MPHOSPH9: variants seen among roughly 807,000 people sequenced by gnomAD.
MPHOSPH9 encodes the protein M-phase phosphoprotein 9.
In MPHOSPH9, 88 loss-of-function variants were observed where a neutral mutation model predicts 145.5. The ratio of observed to expected loss-of-function variants is 0.60; its 90% confidence interval spans 0.51 to 0.72. The LOEUF is 0.72. MPHOSPH9 is among the 30% of genes least tolerant of loss of function. MPHOSPH9 has a pLI of 0.00. For synonymous variants in MPHOSPH9, 435 were observed against 486.2 expected, an observed-to-expected ratio of 0.89 and a Z score of 1.39; for missense variants, 1,238 against 1,386.6, an observed-to-expected ratio of 0.89 and a Z score of 1.70.
intron 4 of MPHOSPH9, 34 bp downstream of exon 4, chr12:123,223,004 A>G: frequency 8.5e-7 from 1 of 1,177,484 alleles, no homozygotes; most frequent in African/African-American, 1.6e-5. Context: ...GTATATGTAT[A>G]TAAAAAAAGG....
Position 123,166,761 on chromosome 12 carries a change from G to A in MPHOSPH9, c.2485C>T (p.Arg829Trp), listed in dbSNP as rs575130429. The A allele has an allele frequency of 1.9e-6, 3 of 1,613,676 alleles. No homozygotes were observed. Among genetic ancestry groups the A allele is most frequent in the East Asian group, 2.2e-5 (1 of 44,876 alleles). The change falls in exon 17 of 24, where the codon CGG (arginine) becomes TGG (tryptophan). Residue 829 changes from arginine to tryptophan, a missense_variant. Physicochemically the swap from Arg to Trp is moderately radical, Grantham distance 101. Transcript: ENST00000606320. ...NTLATSDVSR[R>W]KWLIPGAEYS... Reference sequence around the variant, plus strand: ...TCTGCACCTGGAATCAGCCATTTCCGCCTGCTGACGTCTGAAGTTGCTAGT... The same window carrying A: ...TCTGCACCTGGAATCAGCCATTTCCACCTGCTGACGTCTGAAGTTGCTAGT...
intron 15 of MPHOSPH9, among the ~76,000 whole-genome samples, chr12:123,178,942 A>G (rs1169998996): frequency 6.6e-6 from 1 of 152,202 alleles, no homozygotes; most frequent in African/African-American, 2.4e-5. Context: ...AAAGTAGATG[A>G]CCATAATTTT....
intron 17 of MPHOSPH9, 60 bp from the exon 18 acceptor site, chr12:123,165,537 C>T (rs1593069956): frequency 7.0e-6 from 10 of 1,422,568 alleles, no homozygotes; most frequent in Middle Eastern, 1.8e-4. Flanking sequence ...TCTTGCCCCC[C>T]GCCCCCACAC....
In MPHOSPH9 at chr12:123,156,093, A is replaced by G. The variant is rs1038337122; in HGVS notation, c.*714T>C. Reference sequence around the variant, plus strand: ...GTGGGACACAAGTTAATTCAGAACAATGGGCAGAGAGCTACTCTGAGAGCC... The same window carrying G: ...GTGGGACACAAGTTAATTCAGAACAGTGGGCAGAGAGCTACTCTGAGAGCC... On this transcript the variant is annotated 3_prime_UTR_variant, in exon 24 of 24. Coordinates refer to ENST00000606320, the MANE Select transcript of MPHOSPH9 (RefSeq NM_022782.4). The G allele has an allele frequency of 6.6e-6, 1 of 152,194 alleles. No homozygotes were observed. Among genetic ancestry groups the G allele is most frequent in the Non-Finnish European group, 1.5e-5 (1 of 68,034 alleles). 9.4% of individuals were successfully genotyped at this position (152,194 alleles called of 1,614,324 possible). A position where few individuals can be genotyped will look rare whatever the true frequency, so the allele number is the denominator to read the frequency against.
At chr12:123,218,259 T>TA in intron 6 of MPHOSPH9, 117 bp downstream of exon 6, 1 of 1,417,048 alleles carries the variant, frequency 7.1e-7, no homozygotes, top group Non-Finnish European at 9.5e-7. Flanking sequence ...AAAAAATGTA[T>TA]AAATGAACAA....
intron 16 of MPHOSPH9, among the ~76,000 whole-genome samples, chr12:123,173,467 G>A (rs12368208): frequency 0.02 from 3,103 of 152,198 alleles, 41 homozygotes; most frequent in Non-Finnish European, 0.032. Context: ...ACTCTTGTTC[G>A]AATCAGAGAG....
chr12:123,231,571 G>A (rs1290919723), intron 1 of MPHOSPH9, among the ~76,000 whole-genome samples: 2 of 152,036 alleles, frequency 1.3e-5, no homozygotes, highest in East Asian at 1.9e-4. Context: ...CAGCTACTGG[G>A]AGCATGTCCC....
intron 15 of MPHOSPH9, among the ~76,000 whole-genome samples, chr12:123,179,385 C>T (rs2138077811): frequency 6.6e-6 from 1 of 152,228 alleles, no homozygotes; most frequent in East Asian, 1.9e-4. Flanking sequence ...ACCAGTCTGG[C>T]CAACATGGCG....
intron 14 of MPHOSPH9, 119 bp from the exon 15 acceptor site, chr12:123,180,109 C>T (rs979258628): frequency 1.9e-6 from 1 of 536,400 alleles, no homozygotes; most frequent in African/African-American, 2.0e-5. Context: ...CCATACTCAG[C>T]AAGTATGGCA....
chr12:123,184,512 T>C (rs1593125542), intron 13 of MPHOSPH9, among the ~76,000 whole-genome samples: 1 of 131,218 alleles, frequency 7.6e-6, no homozygotes, highest in Non-Finnish European at 1.7e-5. Flanking sequence ...TTTTTTTTTT[T>C]CTTGAGATGG....
chr12:123,227,454 AT>A lies in MPHOSPH9; in HGVS notation c.258+8del. Reference sequence around the variant, plus strand: ...TTTAAAATTCCAAAAATAAAACAAAATTAGATACCTCACAGTTTTTCCAAAG... The same window carrying A: ...TTTAAAATTCCAAAAATAAAACAAAATAGATACCTCACAGTTTTTCCAAAG... On this transcript the variant is annotated splice_region_variant and intron_variant, in intron 3 of 23. Transcript: ENST00000606320. The A allele has an allele frequency of 6.8e-7, 1 of 1,464,328 alleles. No homozygotes were observed. The allele number at this position is 1,464,328 out of a possible 1,614,324, so 90.7% of individuals were successfully genotyped here.
chr12:123,165,937 A>T (rs886583938), intron 17 of MPHOSPH9, among the ~76,000 whole-genome samples: 3 of 152,228 alleles, frequency 2.0e-5, no homozygotes, highest in Non-Finnish European at 2.9e-5. Context: ...CACAATGAGC[A>T]TGCTTTGCAA....
intron 8 of MPHOSPH9, among the ~76,000 whole-genome samples, chr12:123,209,134 T>C (rs971323570): frequency 5.3e-5 from 8 of 152,104 alleles, no homozygotes; most frequent in Non-Finnish European, 1.0e-4. Flanking sequence ...GGTTTTACCA[T>C]GTTGGCCAGG....
chr12:123,187,645 A>G (rs1483235600), intron 13 of MPHOSPH9, among the ~76,000 whole-genome samples: 1 of 152,256 alleles, frequency 6.6e-6, no homozygotes, highest in Non-Finnish European at 1.5e-5. Flanking sequence ...TGTGGTTCCA[A>G]TTCAGAGACA....
intron 8 of MPHOSPH9, 72 bp downstream of exon 8, chr12:123,209,984 C>A: frequency 1.0e-6 from 1 of 992,264 alleles, no homozygotes; most frequent in South Asian, 1.6e-5. Context: ...GATCCGCCCA[C>A]CTCGGCCTCC....
intron 1 of MPHOSPH9, among the ~76,000 whole-genome samples, chr12:123,241,156 TTG>T (rs1384579890): frequency 2.0e-5 from 3 of 149,424 alleles, no homozygotes; most frequent in Middle Eastern, 3.4e-3. Flanking sequence ...TTTTTTGTTT[TTG>T]TTTTTTTTTT....
chr12:123,232,421 G>A (rs185421866), intron 1 of MPHOSPH9, among the ~76,000 whole-genome samples: 7 of 152,150 alleles, frequency 4.6e-5, no homozygotes, highest in African/African-American at 1.7e-4. Context: ...TAAGAGCAGA[G>A]CTTTTATATT....
At position 123,230,358 on chromosome 12, in the gene MPHOSPH9, C is replaced by T. The variant is rs2047593143; in HGVS notation, c.7G>A (p.Glu3Lys). Residue 3 changes from glutamate to lysine, a missense_variant, in exon 2 of 24, where the codon GAG becomes AAG. Physicochemically the swap from Glu to Lys is moderately conservative, Grantham distance 56. Transcript: ENST00000606320. ...TGTAAGGTTTTCACCAAGTCAAACT[C>T]TTCCATAGTGTACAGAAATTGTTAT... The part of the protein sequence containing the change: ME[E>K]FDLVKTLHKT... 7 of 1,519,082 alleles carry T rather than the reference C, an allele frequency of 4.6e-6. No individual in the cohort carries two copies. Among genetic ancestry groups the T allele is most frequent in the Non-Finnish European group, 6.2e-6 (7 of 1,133,938 alleles). 94.1% of individuals were successfully genotyped at this position (1,519,082 alleles called of 1,614,324 possible).
intron 1 of MPHOSPH9, among the ~76,000 whole-genome samples, chr12:123,239,842 C>A (rs116697945): frequency 2.6e-5 from 4 of 152,082 alleles, no homozygotes; most frequent in Non-Finnish European, 4.4e-5. Flanking sequence ...TAGCTCAAAT[C>A]AGTATTTGTT....
Sources: gnomAD v4.1 joint callset for allele counts (sites outside exome capture counted in the v4.1 genomes callset) on GRCh38, gnomAD v4.1.1 for gene constraint, MANE v1.5 for transcripts, NCBI Gene and HGNC (gene_info 2026-07-23, HGNC 2026-07-21) for gene names.